GRID2: variants seen among roughly 807,000 people sequenced by gnomAD.
GRID2 encodes glutamate ionotropic receptor delta type subunit 2.
In GRID2, 33 loss-of-function variants were observed where a neutral mutation model predicts 114.8. That is an observed-to-expected ratio of 0.29 (90% CI 0.22 to 0.38). GRID2 has a LOEUF of 0.38. Among genes scored for constraint, GRID2 ranks in the 10% least tolerant of loss-of-function variants. The pLI, the probability that GRID2 is intolerant of heterozygous loss-of-function variation, is 1.00. For synonymous variants in GRID2, 505 were observed against 449.9 expected, an observed-to-expected ratio of 1.12 and a Z score of -1.55; for missense variants, 1,184 against 1,257.7, an observed-to-expected ratio of 0.94 and a Z score of 0.89.
At chr4:92,384,583 T>TAATA (rs369279524) in intron 1 of GRID2, among the ~76,000 whole-genome samples, 1,271 of 39,906 alleles carry the variant, frequency 0.032, 95 homozygotes, top group South Asian at 0.055. Context: ...ATAAAATATA[T>TAATA]TATATTATAT....
intron 2 of GRID2, among the ~76,000 whole-genome samples, chr4:93,020,405 G>C (rs1037697786): frequency 6.6e-6 from 1 of 152,062 alleles, no homozygotes; most frequent in Admixed American, 6.6e-5. Flanking sequence ...TTCATATACA[G>C]TTATTAATTA....
chr4:92,470,251 AT>A (rs1230148130), intron 1 of GRID2, among the ~76,000 whole-genome samples: 1 of 151,918 alleles, frequency 6.6e-6, no homozygotes, highest in African/African-American at 2.4e-5. Flanking sequence ...TTTTCACAGA[AT>A]GCTAAAGTTC....
chr4:93,117,658 T>C (rs1733401670), intron 4 of GRID2, among the ~76,000 whole-genome samples: 1 of 152,104 alleles, frequency 6.6e-6, no homozygotes, highest in Non-Finnish European at 1.5e-5. Context: ...TTTTTCAATT[T>C]TTTGTGCTTT....
intron 14 of GRID2, among the ~76,000 whole-genome samples, chr4:93,747,668 G>A (rs1216518605): frequency 6.6e-6 from 1 of 151,856 alleles, no homozygotes; most frequent in Non-Finnish European, 1.5e-5. Flanking sequence ...TATTGTTCAA[G>A]TAGGGAATAA....
chr4:93,002,628 T>A (rs573874050), intron 2 of GRID2, among the ~76,000 whole-genome samples: 1 of 151,980 alleles, frequency 6.6e-6, no homozygotes, highest in East Asian at 1.9e-4. Flanking sequence ...CTTTGTTTTC[T>A]ATTTTTCCCC....
intron 13 of GRID2, among the ~76,000 whole-genome samples, chr4:93,573,080 G>T (rs1736081778): frequency 6.6e-6 from 1 of 152,152 alleles, no homozygotes; most frequent in African/African-American, 2.4e-5. Context: ...GAATACACAG[G>T]AGAGAGACAG....
chr4:92,486,263 A>C (rs576787343), intron 1 of GRID2, among the ~76,000 whole-genome samples: 1 of 151,960 alleles, frequency 6.6e-6, no homozygotes, highest in South Asian at 2.1e-4. Context: ...CACATAGTAA[A>C]AAATAAGTAA....
chr4:93,361,918 G>A (rs999973008), intron 8 of GRID2, among the ~76,000 whole-genome samples: 1 of 152,068 alleles, frequency 6.6e-6, no homozygotes, highest in Non-Finnish European at 1.5e-5. Context: ...CAGGTTTGCT[G>A]CACCTATCAA....
At chr4:92,855,035 G>T (rs898601779) in intron 2 of GRID2, among the ~76,000 whole-genome samples, 6 of 152,014 alleles carry the variant, frequency 3.9e-5, no homozygotes, top group Non-Finnish European at 8.8e-5. Context: ...TGGCATATCT[G>T]CTATTCCCAC....
chr4:93,305,859 T>C (rs1484126149), intron 8 of GRID2, among the ~76,000 whole-genome samples: 1 of 137,074 alleles, frequency 7.3e-6, no homozygotes, highest in African/African-American at 3.7e-5. Context: ...CTCTGATCTA[T>C]ATCCATTAGA....
chr4:92,499,303 C>T (rs4597787), intron 1 of GRID2, among the ~76,000 whole-genome samples: 26,611 of 151,976 alleles, frequency 0.18, 2,809 homozygotes, highest in Middle Eastern at 0.25. Context: ...CTTTGATTCT[C>T]CAGCAGTTTA....
At chr4:92,590,437 T>G in intron 2 of GRID2, 151 bp downstream of exon 2, 1 of 560,872 alleles carries the variant, frequency 1.8e-6, no homozygotes, top group East Asian at 2.8e-5. Flanking sequence ...TTTGTAGATG[T>G]TAATCTTGTA....
At chr4:93,349,953 T>A (rs929253005) in intron 8 of GRID2, among the ~76,000 whole-genome samples, 1 of 152,084 alleles carries the variant, frequency 6.6e-6, no homozygotes, top group Non-Finnish European at 1.5e-5. Context: ...TTTAAAAATA[T>A]GTGTGGAGTT....
intron 2 of GRID2, among the ~76,000 whole-genome samples, chr4:93,064,567 C>G (rs1205738780): frequency 6.6e-6 from 1 of 151,788 alleles, no homozygotes; most frequent in South Asian, 2.1e-4. Flanking sequence ...TAGGCAAGCA[C>G]AAAGTCAGGA....
chr4:92,522,433 G>GT (rs1414101855), intron 1 of GRID2, among the ~76,000 whole-genome samples: 1 of 151,942 alleles, frequency 6.6e-6, no homozygotes, highest in African/African-American at 2.4e-5. Context: ...TCACTGGAGG[G>GT]TTTTTCAGCA....
Position 93,761,676 on chromosome 4 carries a change from C to T in GRID2, c.2361-7534C>T, listed in dbSNP as rs375160501. 1.1e-4 allele frequency among the ~76,000 whole-genome samples: 17 copies of T among 152,158 alleles called. No individual in the cohort carries two copies. The East Asian group carries it at 2.9e-3, about 26-fold the overall frequency. Reference sequence around the variant, plus strand: ...TTGGTGGATTGAAATTAAGCAACTGCCATTTGGCTCAACTAGCTAGAAGAA... The same window carrying T: ...TTGGTGGATTGAAATTAAGCAACTGTCATTTGGCTCAACTAGCTAGAAGAA... On this transcript the variant is annotated intron_variant, in intron 14 of 15. Transcript: ENST00000282020.
chr4:93,169,143 T>TACAC (rs33953002), intron 4 of GRID2, among the ~76,000 whole-genome samples: 8,484 of 138,112 alleles, frequency 0.061, 252 homozygotes, highest in Middle Eastern at 0.14. Context: ...CACAATGAAA[T>TACAC]ACACACACAC....
chr4:92,964,496 C>T (rs1753013966), intron 2 of GRID2, among the ~76,000 whole-genome samples: 1 of 151,894 alleles, frequency 6.6e-6, no homozygotes, highest in South Asian at 2.1e-4. Context: ...ACATGTATAC[C>T]TATGTAACAA....
At chr4:93,148,216 T>A (rs1736429195) in intron 4 of GRID2, among the ~76,000 whole-genome samples, 1 of 152,206 alleles carries the variant, frequency 6.6e-6, no homozygotes, top group Non-Finnish European at 1.5e-5. Flanking sequence ...ATCTGCCATA[T>A]GCCTCTGAAT....
Sources: allele counts gnomAD v4.1 joint callset (sites outside exome capture counted in the v4.1 genomes callset), GRCh38; gene constraint gnomAD v4.1.1; transcripts MANE v1.5; gene names NCBI Gene and HGNC (gene_info 2026-07-23, HGNC 2026-07-21).